Variants in GSK3B observed in about 807,000 individuals in gnomAD.
GSK3B encodes glycogen synthase kinase-3 beta.
A neutral mutation model predicts 56.4 loss-of-function variants in GSK3B; 15 were observed. The observed-to-expected ratio is 0.27, with a 90% CI of 0.18 to 0.41. The LOEUF (loss-of-function observed/expected upper bound fraction) is 0.41. Ranked by LOEUF, GSK3B falls within the 10% of genes least tolerant of loss-of-function variation. The probability of loss-of-function intolerance (pLI) is 1.00; values close to 1 mark genes in which losing one functional copy is unlikely to be tolerated. For missense variants in GSK3B, 300 were observed against 513.4 expected (o/e 0.58, Z 4.02); for synonymous variants, 181 against 188.9 (o/e 0.96, Z 0.34).
intron 7 of GSK3B, among the ~76,000 whole-genome samples, chr3:119,884,538 C>A (rs1476740043): frequency 2.6e-5 from 4 of 152,058 alleles, no homozygotes; most frequent in African/African-American, 9.7e-5. Flanking sequence ...CTAAGGCTGA[C>A]AGAAGTCTCA....
chr3:119,970,613 T>TAAAAA (rs1170925404), intron 2 of GSK3B, among the ~76,000 whole-genome samples: 4 of 114,286 alleles, frequency 3.5e-5, no homozygotes, highest in Non-Finnish European at 3.6e-5. Context: ...CTACTAAAAT[T>TAAAAA]AAAAAAAAAA....
chr3:119,912,962 T>C (rs72546698), intron 5 of GSK3B, 152 bp from the exon 6 acceptor site: 13 of 449,452 alleles, frequency 2.9e-5, no homozygotes, highest in African/African-American at 1.6e-4. Flanking sequence ...ACTGTAACTA[T>C]CTCTAATAAA....
chr3:119,870,539 T>C (rs1319381729), intron 8 of GSK3B, among the ~76,000 whole-genome samples: 1 of 152,200 alleles, frequency 6.6e-6, no homozygotes, highest in Non-Finnish European at 1.5e-5. Flanking sequence ...ATTATTCCTT[T>C]CACATTTGGA....
At chr3:120,068,595 G>A (rs985406008) in intron 1 of GSK3B, among the ~76,000 whole-genome samples, 6 of 150,742 alleles carry the variant, frequency 4.0e-5, no homozygotes, top group Admixed American at 1.3e-4. Context: ...AGCTACTCGG[G>A]AGGCTGAGGC....
chr3:120,028,810 G>T, intron 1 of GSK3B: 1 of 443,264 alleles, frequency 2.3e-6, no homozygotes, highest in Non-Finnish European at 4.3e-6. Context: ...GTGGGCGGCC[G>T]CAGCTGCAAG....
chr3:119,894,128 A>C (rs1322059864), intron 7 of GSK3B, among the ~76,000 whole-genome samples: 2 of 152,142 alleles, frequency 1.3e-5, no homozygotes, highest in Non-Finnish European at 2.9e-5. Context: ...GAATGGAATT[A>C]TATAATATGT....
chr3:119,923,404 G>C lies in GSK3B; in HGVS notation c.446C>G (p.Ala149Gly), dbSNP rs751566414. 6 of 1,595,904 alleles carry C rather than the reference G, an allele frequency of 3.8e-6. No homozygotes were observed. The Admixed American group carries it at 1.0e-4, about 27-fold the overall frequency. Residue 149 changes from alanine to glycine, a missense_variant, in exon 4 of 11, where the codon GCC becomes GGC. Physicochemically the swap from Ala to Gly is moderately conservative, Grantham distance 60. Coordinates refer to ENST00000264235, the MANE Select transcript of GSK3B (RefSeq NM_001146156.2). ...VYRVARHYSRAKQTLPVIYVK... is the reference protein window; with the variant it reads ...VYRVARHYSRGKQTLPVIYVK... ...ATAAATCACAGGGAGCGTCTGTTTG[G>C]CTCGACTATAGTGTCTGGCAACTCT...
At chr3:120,051,576 G>A (rs2058150110) in intron 1 of GSK3B, among the ~76,000 whole-genome samples, 1 of 152,098 alleles carries the variant, frequency 6.6e-6, no homozygotes, top group South Asian at 2.1e-4. Context: ...AGACCAGCCT[G>A]GCCAACATGG....
chr3:120,020,915 C>T (rs966021192), intron 1 of GSK3B, among the ~76,000 whole-genome samples: 5 of 152,154 alleles, frequency 3.3e-5, no homozygotes, highest in Admixed American at 2.0e-4. Context: ...ATTGCTGATA[C>T]GGAGAAAGTC....
At position 119,928,984 on chromosome 3, in the gene GSK3B, T is replaced by C. The variant is rs532036847; in HGVS notation, c.367-5501A>G. The stretch of plus-strand genomic sequence containing the variant: ...ATTTTCATCCTTAAAAAATTAGTTA[T>C]CTTTTTTTCTTTAAATCTAATAAGT... On this transcript the variant is annotated intron_variant, in intron 3 of 10. Coordinates refer to ENST00000264235, the MANE Select transcript of GSK3B (RefSeq NM_001146156.2). 8.6e-4 allele frequency among the ~76,000 whole-genome samples: 131 copies of C among 152,336 alleles called. 1 individual carries two copies. Among genetic ancestry groups the C allele is most frequent in the African/African-American group, 3.1e-3 (129 of 41,590 alleles).
chr3:119,969,707 G>A (rs746832386), intron 2 of GSK3B, among the ~76,000 whole-genome samples: 7 of 152,120 alleles, frequency 4.6e-5, no homozygotes, highest in Non-Finnish European at 8.8e-5. Context: ...CTTTCACAAA[G>A]GAACAAAGCA....
In GSK3B at chr3:120,050,428, T is replaced by C. The variant is rs563281367; in HGVS notation, c.88+42919A>G. The stretch of plus-strand genomic sequence containing the variant: ...CGTATTTGGCTTTATGGGCTATAGT[T>C]TGCAAACCTCTGGTCTAGGCAGAGT... On this transcript the variant is annotated intron_variant, in intron 1 of 10. Transcript: ENST00000264235. Among the ~76,000 whole-genome samples, 3 of 152,350 alleles carry C rather than the reference T, an allele frequency of 2.0e-5. No homozygotes were observed. In the South Asian group the frequency reaches 6.2e-4, roughly 32 times the overall value.
At chr3:119,908,140 A>G (rs183812382) in intron 6 of GSK3B, among the ~76,000 whole-genome samples, 9 of 152,306 alleles carry the variant, frequency 5.9e-5, no homozygotes, top group African/African-American at 2.2e-4. Flanking sequence ...TTAAGAGGCA[A>G]GTATCCTAAG....
intron 8 of GSK3B, chr3:119,866,446 T>G: frequency 1.4e-6 from 1 of 718,366 alleles, no homozygotes. Flanking sequence ...TGCCATACAG[T>G]GAATAAAAAC....
intron 1 of GSK3B, among the ~76,000 whole-genome samples, chr3:120,033,735 C>A (rs771913417): frequency 6.6e-6 from 1 of 152,062 alleles, no homozygotes; most frequent in Non-Finnish European, 1.5e-5. Flanking sequence ...TGAGTTCTCA[C>A]GAGATCTAGT....
At chr3:119,863,853 G>A (rs2056141949) in intron 8 of GSK3B, among the ~76,000 whole-genome samples, 1 of 152,110 alleles carries the variant, frequency 6.6e-6, no homozygotes, top group Non-Finnish European at 1.5e-5. Context: ...AATCAGACAT[G>A]CATACAAAAT....
intron 3 of GSK3B, among the ~76,000 whole-genome samples, chr3:119,924,882 C>A (rs2056875938): frequency 6.6e-6 from 1 of 152,136 alleles, no homozygotes; most frequent in South Asian, 2.1e-4. Context: ...GCCCACAAAG[C>A]CAAAAATATC....
chr3:119,906,428 T>C (rs1183092001), intron 6 of GSK3B, among the ~76,000 whole-genome samples: 1 of 152,100 alleles, frequency 6.6e-6, no homozygotes, highest in Admixed American at 6.6e-5. Context: ...TCATAAATTA[T>C]AAAAATAATC....
chr3:119,917,047 T>A (rs968185196), intron 4 of GSK3B, among the ~76,000 whole-genome samples: 1 of 152,108 alleles, frequency 6.6e-6, no homozygotes, highest in African/African-American at 2.4e-5. Context: ...TTCTGGCTGT[T>A]TACCTTCTGA....
Sources: allele counts gnomAD v4.1 joint callset (sites outside exome capture counted in the v4.1 genomes callset), GRCh38; gene constraint gnomAD v4.1.1; transcripts MANE v1.5; gene names NCBI Gene and HGNC (gene_info 2026-07-23, HGNC 2026-07-21).